APBB2: variants seen among roughly 807,000 people sequenced by gnomAD.
APBB2 encodes Fe65-like 1.
A neutral mutation model predicts 82.5 loss-of-function variants in APBB2; 38 were observed. That is an observed-to-expected ratio of 0.46 (90% CI 0.36 to 0.60). The LOEUF (loss-of-function observed/expected upper bound fraction) is 0.60, where lower values mean the gene tolerates loss of function less well. Among genes scored for constraint, APBB2 ranks in the 20% least tolerant of loss-of-function variants. APBB2 has a pLI of 0.00. For synonymous variants in APBB2, 341 were observed against 368.2 expected, an observed-to-expected ratio of 0.93 and a Z score of 0.85; for missense variants, 772 against 972.3, an observed-to-expected ratio of 0.79 and a Z score of 2.74.
chr4:40,850,143 C>T (rs1758864444), intron 12 of APBB2, among the ~76,000 whole-genome samples: 1 of 152,134 alleles, frequency 6.6e-6, no homozygotes, highest in African/African-American at 2.4e-5. Context: ...CTGTAACATC[C>T]TGCTTTGTTT....
At chr4:40,890,262 T>A in intron 12 of APBB2, 102 bp downstream of exon 12, 1 of 1,439,006 alleles carries the variant, frequency 6.9e-7, no homozygotes, top group Non-Finnish European at 9.3e-7. Context: ...AGAAGCTACA[T>A]GAGTTTCGTA....
intron 4 of APBB2, among the ~76,000 whole-genome samples, chr4:41,064,393 G>C (rs1188506140): frequency 6.6e-6 from 1 of 152,180 alleles, no homozygotes; most frequent in Non-Finnish European, 1.5e-5. Context: ...ACTTAAAGAT[G>C]AATATGAATA....
intron 10 of APBB2, among the ~76,000 whole-genome samples, chr4:40,904,966 C>T (rs1242715691): frequency 3.3e-5 from 5 of 152,120 alleles, no homozygotes; most frequent in Admixed American, 1.3e-4. Context: ...GTAGAAAACA[C>T]GATGCATGGC....
intron 6 of APBB2, among the ~76,000 whole-genome samples, chr4:41,003,955 C>T (rs979578368): frequency 2.0e-5 from 3 of 151,634 alleles, no homozygotes; most frequent in African/African-American, 4.9e-5. Context: ...TCAGGTGATC[C>T]GCCCACCTTG....
intron 6 of APBB2, among the ~76,000 whole-genome samples, chr4:40,984,847 A>G (rs1020858525): frequency 1.6e-4 from 24 of 152,112 alleles, no homozygotes; most frequent in Admixed American, 5.2e-4. Flanking sequence ...GGTACTAGAT[A>G]TTTTTTTAAA....
chr4:40,899,659 T>C (rs1458320094), intron 10 of APBB2, among the ~76,000 whole-genome samples: 2 of 152,250 alleles, frequency 1.3e-5, no homozygotes, highest in East Asian at 3.8e-4. Context: ...TGGACTTCGT[T>C]CTCTCTGGTT....
At chr4:41,192,268 G>A (rs1381158209) in intron 1 of APBB2, among the ~76,000 whole-genome samples, 1 of 152,158 alleles carries the variant, frequency 6.6e-6, no homozygotes, top group Admixed American at 6.5e-5. Flanking sequence ...TACTATAGGA[G>A]CCAGCAATCC....
intron 1 of APBB2, chr4:41,194,207 A>T: frequency 6.8e-6 from 1 of 147,790 alleles, no homozygotes; most frequent in Non-Finnish European, 1.5e-5. Context: ...CTGTCTTCCC[A>T]GTTACTCCGG....
Position 40,810,428 on chromosome 4 carries a change from A to ATT in APBB2, c.*5662_*5663dup, listed in dbSNP as rs1744179072. ...CCCCATCTCTACAAAAAATACAAAA[A>ATT]TTAGCTGGGTGTGGTGGGACACGCC... is the stretch of plus-strand genomic sequence containing the variant. On this transcript the variant is annotated 3_prime_UTR_variant, in exon 18 of 18. Coordinates refer to ENST00000508593, the MANE Select transcript of APBB2 (RefSeq NM_004307.2). The ATT allele has an allele frequency of 6.6e-6, 1 of 151,932 alleles. No homozygotes were observed. Among genetic ancestry groups the ATT allele is most frequent in the Admixed American group, 6.6e-5 (1 of 15,250 alleles). 9.4% of individuals were successfully genotyped at this position (151,932 alleles called of 1,614,324 possible).
At chr4:40,962,450 A>C (rs921216390) in intron 6 of APBB2, among the ~76,000 whole-genome samples, 1 of 152,216 alleles carries the variant, frequency 6.6e-6, no homozygotes, top group Admixed American at 6.5e-5. Flanking sequence ...TCGGTTGCAA[A>C]ATGTTCAAAA....
At chr4:40,817,974 T>C (rs963649674) in intron 17 of APBB2, among the ~76,000 whole-genome samples, 11 of 152,212 alleles carry the variant, frequency 7.2e-5, no homozygotes, top group Admixed American at 2.6e-4. Flanking sequence ...AGTAGTCACG[T>C]ACATCCAGTG....
Position 40,821,772 on chromosome 4 carries a change from G to T in APBB2, c.2112+99C>A, listed in dbSNP as rs562668093. ...AAGTAAAGCATTACTTTAGGGATTC[G>T]ACTTTTTTCATTTCCGTGAGTGATT... On this transcript the variant is annotated intron_variant, in intron 17 of 17. Transcript: ENST00000508593. The T allele has an allele frequency of 7.0e-4, 977 of 1,393,882 alleles. 1 individual carries two copies. The highest frequency in any genetic ancestry group is 1.8e-3 in the Middle Eastern group (7 of 3,826). 86.3% of individuals were successfully genotyped at this position (1,393,882 alleles called of 1,614,324 possible).
At chr4:40,882,982 A>T (rs764156680) in intron 12 of APBB2, among the ~76,000 whole-genome samples, 10 of 152,168 alleles carry the variant, frequency 6.6e-5, no homozygotes, top group Non-Finnish European at 7.3e-5. Flanking sequence ...CGCAAGTTCC[A>T]GGTGTGTTTA....
At chr4:41,157,248 G>C (rs760351107) in intron 1 of APBB2, among the ~76,000 whole-genome samples, 1 of 152,098 alleles carries the variant, frequency 6.6e-6, no homozygotes, top group African/African-American at 2.4e-5. Flanking sequence ...AGGCAGGTCA[G>C]CACAAGGCAA....
chr4:40,953,411 A>T (rs912733531), intron 6 of APBB2, among the ~76,000 whole-genome samples: 1 of 152,116 alleles, frequency 6.6e-6, no homozygotes, highest in African/African-American at 2.4e-5. Context: ...AATGGCTACA[A>T]GGCTGAGGCT....
At chr4:40,983,465 T>C (rs1297257458) in intron 6 of APBB2, among the ~76,000 whole-genome samples, 1 of 152,242 alleles carries the variant, frequency 6.6e-6, no homozygotes, top group Non-Finnish European at 1.5e-5. Context: ...TTCCCTATCA[T>C]TCTAGGAGGT....
chr4:40,916,920 A>AG (rs1330588678), intron 10 of APBB2, among the ~76,000 whole-genome samples: 1 of 152,134 alleles, frequency 6.6e-6, no homozygotes, highest in African/African-American at 2.4e-5. Context: ...CAGAGGGAAG[A>AG]GGGGAGGACT....
intron 6 of APBB2, among the ~76,000 whole-genome samples, chr4:40,979,927 G>C (rs1798066808): frequency 6.6e-6 from 1 of 152,176 alleles, no homozygotes; most frequent in South Asian, 2.1e-4. Flanking sequence ...TGCTACATGT[G>C]TCATTATTTG....
At chr4:40,970,804 G>A (rs1488659299) in intron 6 of APBB2, among the ~76,000 whole-genome samples, 1 of 152,102 alleles carries the variant, frequency 6.6e-6, no homozygotes, top group Non-Finnish European at 1.5e-5. Flanking sequence ...TTTTAGCACT[G>A]CAAGTCCCAC....
Sources: allele counts gnomAD v4.1 joint callset (sites outside exome capture counted in the v4.1 genomes callset), GRCh38; gene constraint gnomAD v4.1.1; transcripts MANE v1.5; gene names NCBI Gene and HGNC (gene_info 2026-07-23, HGNC 2026-07-21).